GLIS3: variants seen among roughly 807,000 people sequenced by gnomAD.
GLIS3 encodes the protein GLIS family zinc finger 3.
In GLIS3, 53 loss-of-function variants were observed where a neutral mutation model predicts 78.6. That is an observed-to-expected ratio of 0.67 (90% CI 0.54 to 0.85). The LOEUF is 0.85. Ranked by LOEUF, GLIS3 falls within the 40% of genes least tolerant of loss-of-function variation. GLIS3 has a pLI of 0.00. For synonymous variants in GLIS3, 684 were observed against 509.9 expected (o/e 1.34, Z -4.60); for missense variants, 1,703 against 1,231.1 (o/e 1.38, Z -5.74).
chr9:4,443,841 G>A, the GLIS3 span, among the ~76,000 whole-genome samples: 13 of 152,130 alleles, frequency 8.5e-5, no homozygotes, highest in African/African-American at 2.9e-4. Flanking sequence ...ATAACTTAGC[G>A]GGCCTGGTGT....
intron 6 of GLIS3, among the ~76,000 whole-genome samples, chr9:3,903,176 G>A (rs999149022): frequency 3.3e-5 from 5 of 152,218 alleles, no homozygotes; most frequent in Admixed American, 6.5e-5. Context: ...CCATAAACGC[G>A]AAGAAATTCT....
chr9:4,076,336 CTA>C (rs1828052816), intron 4 of GLIS3, among the ~76,000 whole-genome samples: 1 of 152,112 alleles, frequency 6.6e-6, no homozygotes. Context: ...CTTACTAAAA[CTA>C]TGTTTCTCAG....
chr9:3,967,891 G>A (rs1190420730), intron 4 of GLIS3, among the ~76,000 whole-genome samples: 1 of 152,202 alleles, frequency 6.6e-6, no homozygotes, highest in South Asian at 2.1e-4. Context: ...GAGTGATGGA[G>A]GCTCAGGAGG....
chr9:4,100,626 A>T (rs1459912849), intron 4 of GLIS3, among the ~76,000 whole-genome samples: 5 of 152,170 alleles, frequency 3.3e-5, no homozygotes, highest in African/African-American at 1.2e-4. Context: ...CAAAGGAATA[A>T]ACCAGTGGTG....
chr9:4,371,999 C>T, the GLIS3 span, among the ~76,000 whole-genome samples: 1 of 152,196 alleles, frequency 6.6e-6, no homozygotes, highest in Non-Finnish European at 1.5e-5. Context: ...CCCTTCTGGT[C>T]CAGCCTCCAT....
the GLIS3 span, among the ~76,000 whole-genome samples, chr9:4,405,165 A>G: frequency 2.0e-5 from 3 of 152,002 alleles, no homozygotes; most frequent in Non-Finnish European, 4.4e-5. Context: ...GATCAACCTG[A>G]CCAACATGGA....
chr9:4,255,913 C>T (rs1824889391), intron 2 of GLIS3, among the ~76,000 whole-genome samples: 1 of 152,154 alleles, frequency 6.6e-6, no homozygotes, highest in Non-Finnish European at 1.5e-5. Context: ...GAGTGTACTA[C>T]TCTGTGGGGA....
chr9:4,211,664 T>TA (rs1820385666), intron 2 of GLIS3, among the ~76,000 whole-genome samples: 1 of 152,188 alleles, frequency 6.6e-6, no homozygotes, highest in African/African-American at 2.4e-5. Context: ...ATCCCACTCG[T>TA]AAATATTTAT....
chr9:4,063,353 C>T (rs1263593361), intron 4 of GLIS3, among the ~76,000 whole-genome samples: 1 of 151,982 alleles, frequency 6.6e-6, no homozygotes, highest in African/African-American at 2.4e-5. Flanking sequence ...GGATGATATG[C>T]TTGGCCTGTC....
chr9:4,484,137 T>C, the GLIS3 span, among the ~76,000 whole-genome samples: 1 of 152,212 alleles, frequency 6.6e-6, no homozygotes, highest in African/African-American at 2.4e-5. Flanking sequence ...TGCAAAATTA[T>C]AACAGTAAGA....
intron 7 of GLIS3, among the ~76,000 whole-genome samples, chr9:3,897,360 T>G (rs991170811): frequency 6.6e-6 from 1 of 152,180 alleles, no homozygotes; most frequent in Non-Finnish European, 1.5e-5. Flanking sequence ...TAATTTAATG[T>G]GCTGAAATAA....
the GLIS3 span, among the ~76,000 whole-genome samples, chr9:4,478,037 T>TC: frequency 6.6e-6 from 1 of 152,192 alleles, no homozygotes; most frequent in African/African-American, 2.4e-5. Context: ...GAATACTATT[T>TC]CCCATGAACC....
At chr9:4,012,507 C>T (rs982323861) in intron 4 of GLIS3, among the ~76,000 whole-genome samples, 4 of 152,128 alleles carry the variant, frequency 2.6e-5, no homozygotes, top group Non-Finnish European at 5.9e-5. Context: ...TTGTAAAGGA[C>T]ACTGGGCACA....
intron 2 of GLIS3, among the ~76,000 whole-genome samples, chr9:4,145,518 T>C (rs1834153351): frequency 6.6e-6 from 1 of 152,132 alleles, no homozygotes; most frequent in Admixed American, 6.5e-5. Flanking sequence ...GCCCACAGGA[T>C]ATCGCAACAC....
rs148726947 is a variant in GLIS3 at position 4,031,522 on chromosome 9, T to A, written c.1710+86246A>T. ...AGAACTACCGATTGATGGGTAGATT[T>A]ATCTTAGGGCGATGATAATGTTTCA... On this transcript the variant is annotated intron_variant, in intron 4 of 10. Coordinates refer to ENST00000381971, the MANE Select transcript of GLIS3 (RefSeq NM_001042413.2). Among the ~76,000 whole-genome samples, 6 of 152,370 alleles carry A rather than the reference T, an allele frequency of 3.9e-5. No individual in the cohort carries two copies. The East Asian group carries it at 9.6e-4, about 24-fold the overall frequency.
chr9:4,214,419 C>T (rs1820643116), intron 2 of GLIS3, among the ~76,000 whole-genome samples: 1 of 152,178 alleles, frequency 6.6e-6, no homozygotes. Context: ...TCAATATCTC[C>T]ATCGGCACGT....
chr9:3,911,424 C>T lies in GLIS3; in HGVS notation c.1984-12589G>A, dbSNP rs77511324. Among the ~76,000 whole-genome samples the T allele has an allele frequency of 1.9e-3, 297 of 152,336 alleles. 2 individuals are homozygous for T. Among genetic ancestry groups the T allele is most frequent in the African/African-American group, 6.9e-3 (288 of 41,576 alleles). On this transcript the variant is annotated intron_variant, in intron 6 of 10. Transcript: ENST00000381971. Reference sequence around the variant, plus strand: ...GGCTACATTCAACTCAAGCACTCGGCTGGCTACCATGTACCCTTCTTCAGT... The same window carrying T: ...GGCTACATTCAACTCAAGCACTCGGTTGGCTACCATGTACCCTTCTTCAGT...
chr9:4,256,940 C>G lies in GLIS3; in HGVS notation c.388+29098G>C, dbSNP rs547801969. On this transcript the variant is annotated intron_variant, in intron 2 of 10. Coordinates refer to ENST00000381971, the MANE Select transcript of GLIS3 (RefSeq NM_001042413.2). ...ATTCTCAATAGCCACGATATTGAAA[C>G]AACTGAAATGTCCCTCAACAGATGA... Among the ~76,000 whole-genome samples the G allele has an allele frequency of 1.2e-4, 18 of 152,230 alleles. No homozygotes were observed. In the East Asian group the frequency reaches 3.5e-3, roughly 29 times the overall value.
intron 8 of GLIS3, among the ~76,000 whole-genome samples, chr9:3,864,686 A>C (rs559481791): frequency 4.6e-5 from 7 of 152,216 alleles, no homozygotes; most frequent in Admixed American, 3.3e-4. Context: ...ATTGAATGTC[A>C]GGTGCAGGAA....
Sources: gnomAD v4.1 joint callset for allele counts (sites outside exome capture counted in the v4.1 genomes callset) on GRCh38, gnomAD v4.1.1 for gene constraint, MANE v1.5 for transcripts, NCBI Gene and HGNC (gene_info 2026-07-23, HGNC 2026-07-21) for gene names.